THADA: variants seen among roughly 807,000 people sequenced by gnomAD.
The protein encoded by THADA is THADA armadillo repeat containing.
Under a neutral mutation model 219.8 loss-of-function variants are expected in THADA, and 213 were observed. The observed-to-expected ratio is 0.97, with a 90% CI of 0.87 to 1.09. THADA has a LOEUF of 1.09. Among genes scored for constraint, THADA ranks in the 50% least tolerant of loss-of-function variants. The pLI, the probability that THADA is intolerant of heterozygous loss-of-function variation, is 0.00. For synonymous variants in THADA, 1,018 were observed against 828.9 expected (o/e 1.23, Z -3.92); for missense variants, 2,956 against 2,311.3 (o/e 1.28, Z -5.72).
chr2:43,309,581 T>C lies in THADA; in HGVS notation c.4438+10865A>G, dbSNP rs377660048. Among the ~76,000 whole-genome samples, 5 of 152,232 alleles carry C rather than the reference T, an allele frequency of 3.3e-5. No individual in the cohort carries two copies. The East Asian group carries it at 5.8e-4, about 18-fold the overall frequency. On this transcript the variant is annotated intron_variant, in intron 31 of 37. Transcript: ENST00000405975. ...TCTCAACAGGCACAGCAAGGTCATT[T>C]GCCAAAATTCAACATTCTTTTGTGG...
In THADA at chr2:43,439,958, G is replaced by T. The variant is rs982878083; in HGVS notation, c.3837-9656C>A. ...AATCCTTACTCCTTTCCAAATTACA[G>T]ACCCATTAAATATTTATTGAACATT... On this transcript the variant is annotated intron_variant, in intron 26 of 37. Coordinates refer to ENST00000405975, the MANE Select transcript of THADA (RefSeq NM_022065.5). Among the ~76,000 whole-genome samples, 5 of 152,104 alleles carry T rather than the reference G, an allele frequency of 3.3e-5. No homozygotes were observed. The East Asian group carries it at 5.8e-4, about 18-fold the overall frequency.
At chr2:43,413,150 A>G (rs1451241217) in intron 28 of THADA, among the ~76,000 whole-genome samples, 3 of 152,062 alleles carry the variant, frequency 2.0e-5, no homozygotes, top group African/African-American at 7.3e-5. Context: ...CTAAAAATTC[A>G]TACTGTAGCT....
intron 25 of THADA, among the ~76,000 whole-genome samples, chr2:43,494,129 G>A (rs1472374453): frequency 6.6e-6 from 1 of 152,168 alleles, no homozygotes; most frequent in Middle Eastern, 3.2e-3. Context: ...CCCAAGGGTT[G>A]TGCCAACACC....
chr2:43,291,361 G>A (rs1238513325), intron 34 of THADA, among the ~76,000 whole-genome samples: 5 of 145,338 alleles, frequency 3.4e-5, no homozygotes, highest in African/African-American at 5.0e-5. Context: ...TGAGGCTGGA[G>A]AAGAATCGCT....
At chr2:43,398,959 G>A (rs1014781359) in intron 28 of THADA, among the ~76,000 whole-genome samples, 2 of 152,150 alleles carry the variant, frequency 1.3e-5, no homozygotes, top group African/African-American at 4.8e-5. Context: ...CTTAAATAGT[G>A]AAAGTCCTGG....
chr2:43,289,090 C>G (rs1163060604), intron 34 of THADA, among the ~76,000 whole-genome samples: 1 of 152,154 alleles, frequency 6.6e-6, no homozygotes, highest in East Asian at 1.9e-4. Flanking sequence ...TGACTAGGTT[C>G]TTTTACTTAG....
intron 29 of THADA, among the ~76,000 whole-genome samples, chr2:43,374,245 G>A (rs1553414768): frequency 6.6e-6 from 1 of 152,138 alleles, no homozygotes; most frequent in Non-Finnish European, 1.5e-5. Context: ...ACATATTAGT[G>A]CACAAAAGAT....
At chr2:43,255,466 C>T (rs144124464) in intron 36 of THADA, among the ~76,000 whole-genome samples, 41 of 152,264 alleles carry the variant, frequency 2.7e-4, no homozygotes, top group South Asian at 1.5e-3. Context: ...TGAATTTCCA[C>T]GGGTGTGGCT....
intron 28 of THADA, among the ~76,000 whole-genome samples, chr2:43,411,243 T>C (rs941598858): frequency 1.3e-5 from 2 of 152,230 alleles, no homozygotes; most frequent in African/African-American, 4.8e-5. Context: ...GTCAAGTCTG[T>C]CTCACTGCAG....
chr2:43,545,138 G>GT (rs1313129888), intron 20 of THADA, among the ~76,000 whole-genome samples: 1 of 152,068 alleles, frequency 6.6e-6, no homozygotes, highest in Non-Finnish European at 1.5e-5. Context: ...TAATCATGTG[G>GT]TTTTTGTCTT....
chr2:43,246,973 T>C (rs11690918), intron 36 of THADA, among the ~76,000 whole-genome samples: 35,534 of 151,852 alleles, frequency 0.23, 4,741 homozygotes, highest in African/African-American at 0.36. Context: ...CAATTCAGAG[T>C]TTAGAGGGCA....
intron 36 of THADA, among the ~76,000 whole-genome samples, chr2:43,243,971 C>T (rs1668873188): frequency 6.6e-6 from 1 of 152,046 alleles, no homozygotes; most frequent in Non-Finnish European, 1.5e-5. Flanking sequence ...CCAGAAATAC[C>T]CTAGCAAATC....
chr2:43,397,375 C>T (rs1311983247), intron 29 of THADA, among the ~76,000 whole-genome samples: 1 of 152,132 alleles, frequency 6.6e-6, no homozygotes, highest in Non-Finnish European at 1.5e-5. Flanking sequence ...AGGGCAGTTT[C>T]AGTAAAAAGT....
intron 28 of THADA, 58 bp from the exon 29 acceptor site, chr2:43,398,197 GTA>G (rs1573456929): frequency 6.4e-7 from 1 of 1,553,948 alleles, no homozygotes; most frequent in African/African-American, 1.4e-5. Flanking sequence ...CTGTGACTTT[GTA>G]TATACTTACA....
At chr2:43,492,481 T>C (rs530333916) in intron 25 of THADA, among the ~76,000 whole-genome samples, 5 of 152,190 alleles carry the variant, frequency 3.3e-5, no homozygotes, top group Non-Finnish European at 2.9e-5. Context: ...AAAGTATGAA[T>C]GGACAGCCTA....
chr2:43,235,831 G>C (rs544623115), intron 36 of THADA, among the ~76,000 whole-genome samples: 1 of 151,428 alleles, frequency 6.6e-6, no homozygotes, highest in East Asian at 2.0e-4. Flanking sequence ...TTTTGAGACA[G>C]AGTCTCGCTC....
chr2:43,528,080 G>C (rs903470316), intron 21 of THADA, 92 bp from the exon 22 acceptor site: 20 of 830,480 alleles, frequency 2.4e-5, no homozygotes, highest in Non-Finnish European at 3.7e-5. Flanking sequence ...CCAGGTCTAG[G>C]GGTCCATTCA....
chr2:43,283,538 T>C (rs888703677), intron 35 of THADA, among the ~76,000 whole-genome samples: 2 of 152,244 alleles, frequency 1.3e-5, no homozygotes, highest in African/African-American at 4.8e-5. Context: ...TGCTCTCAGA[T>C]GCAGATGAGG....
chr2:43,327,590 G>A (rs4128209), intron 30 of THADA, among the ~76,000 whole-genome samples: 2 of 151,880 alleles, frequency 1.3e-5, no homozygotes, highest in African/African-American at 4.8e-5. Context: ...ATATCTACCC[G>A]CCTCCTGCCC....
Sources: gnomAD v4.1 joint callset for allele counts (sites outside exome capture counted in the v4.1 genomes callset) on GRCh38, gnomAD v4.1.1 for gene constraint, MANE v1.5 for transcripts, NCBI Gene and HGNC (gene_info 2026-07-23, HGNC 2026-07-21) for gene names.